The following IL2RG variants were observed in gnomAD, a reference collection of about 807,000 sequenced individuals.
IL2RG encodes cytokine receptor common subunit gamma.
For synonymous variants in IL2RG, 111 were observed against 108.5 expected (o/e 1.02, Z -0.15); for missense variants, 205 against 272.9 (o/e 0.75, Z 1.75).
Position 71,107,812 on chromosome X carries a change from C to A in IL2RG, c.1034G>T (p.Gly345Val). The A allele has an allele frequency of 8.4e-7, 1 of 1,195,210 alleles. No individual in the cohort carries two copies. Among genetic ancestry groups the A allele is most frequent in the African/African-American group, 1.7e-5 (1 of 57,442 alleles). The change falls in exon 8 of 8, where the codon GGG becomes GTG. Residue 345 changes from glycine (G) to valine (V), a missense_variant. Coordinates refer to ENST00000374202, the MANE Select transcript of IL2RG (RefSeq NM_000206.3). ...IPPKGGALGEGPGASPCNQHS... is the reference protein window; with the variant it reads ...IPPKGGALGEVPGASPCNQHS... ...CTGGTTGCATGGGGAGGCCCCAGGC[C>A]CCTCCCCAAGGGCCCCTCCTTTTGG...
chrX:71,109,124 C>A, intron 5 of IL2RG, 104 bp downstream of exon 5: 1 of 845,447 alleles, frequency 1.2e-6, no homozygotes, highest in South Asian at 2.1e-5. Flanking sequence ...AGATGGGGCA[C>A]CAAGTTTAGG....
chrX:71,111,120 G>A lies in IL2RG; in HGVS notation c.116-70C>T, dbSNP rs774951469. The A allele has an allele frequency of 1.4e-3, 1,465 of 1,021,136 alleles. 2 individuals are homozygous for A. The highest frequency in any genetic ancestry group is 1.8e-3 in the Non-Finnish European group (1,325 of 744,205). The allele number at this position is 1,021,136 out of a possible 1,213,427, so 84.2% of individuals were successfully genotyped here. A position where few individuals can be genotyped will look rare whatever the true frequency, so the allele number is the denominator to read the frequency against. ...TGGTCAGAAGGAGGAGGCCAAGCACGGTGGCTCATGTCTGTAATCCTGGTG... is the reference window on the plus strand; with the variant it reads ...TGGTCAGAAGGAGGAGGCCAAGCACAGTGGCTCATGTCTGTAATCCTGGTG... On this transcript the variant is annotated intron_variant, in intron 1 of 7. Coordinates refer to ENST00000374202, the MANE Select transcript of IL2RG (RefSeq NM_000206.3).
chrX:71,108,065 C>G, intron 7 of IL2RG, 144 bp from the exon 8 acceptor site: 1 of 535,363 alleles, frequency 1.9e-6, no homozygotes, highest in Non-Finnish European at 3.2e-6. Context: ...CCCCCAATAC[C>G]AGTTGCCATC....
At chrX:71,111,320 T>A in intron 1 of IL2RG, 105 bp downstream of exon 1, 1 of 1,084,535 alleles carries the variant, frequency 9.2e-7, no homozygotes, top group South Asian at 2.1e-5. Context: ...ACTTTTCAAT[T>A]CTGCCCACAT....
chrX:71,108,742 C>T (rs1214912975), intron 5 of IL2RG, 47 bp from the exon 6 acceptor site: 5 of 879,335 alleles, frequency 5.7e-6, no homozygotes, highest in Admixed American at 2.6e-5. Context: ...TGTTGTGCCC[C>T]TACTACATGC....
intron 7 of IL2RG, 175 bp from the exon 8 acceptor site, chrX:71,108,096 C>T (rs2092254833): frequency 1.9e-6 from 1 of 527,623 alleles, no homozygotes. Flanking sequence ...AATCTATAAT[C>T]TGCACTTCTG....
chrX:71,107,412 G>T lies in IL2RG; in HGVS notation c.*324C>A. 5.0e-6 allele frequency: 1 copy of T among 198,938 alleles called. No individual in the cohort carries two copies. The highest frequency in any genetic ancestry group is 9.2e-6 in the Non-Finnish European group (1 of 108,603). 16.4% of individuals were successfully genotyped at this position (198,938 alleles called of 1,213,427 possible). A position where few individuals can be genotyped will look rare whatever the true frequency, so the allele number is the denominator to read the frequency against. On this transcript the variant is annotated 3_prime_UTR_variant, in exon 8 of 8. Coordinates refer to ENST00000374202, the MANE Select transcript of IL2RG (RefSeq NM_000206.3). ...CACCCCCATGACAGACATTTTTGAT[G>T]ATTATCAACAGAAACTTTATTTCTC...
At position 71,107,766 on chromosome X, in the gene IL2RG, G is replaced by T. The variant is rs748015056; in HGVS notation, c.1080C>A (p.Pro360=). ...TTTCAGGCTTTAGGGTGTAACATGG[G>T]GGGGCCCAGTAGGGGCTATGCTGGT... is the stretch of plus-strand genomic sequence containing the variant. The part of the protein sequence containing the change: ...PCNQHSPYWA[P]PCYTLKPET The change falls in exon 8 of 8, where the codon CCC becomes CCA. Residue 360 remains proline (P), a synonymous_variant. Coordinates refer to ENST00000374202, the MANE Select transcript of IL2RG (RefSeq NM_000206.3). 2 of 1,152,408 alleles carry T rather than the reference G, an allele frequency of 1.7e-6. No homozygotes were observed. Among genetic ancestry groups the T allele is most frequent in the Admixed American group, 2.8e-5 (1 of 35,459 alleles). 95.0% of individuals were successfully genotyped at this position (1,152,408 alleles called of 1,213,427 possible).
At position 71,110,757 on chromosome X, in the gene IL2RG, T is replaced by C. The variant is rs2092261975; in HGVS notation, c.270-69A>G. The C allele has an allele frequency of 2.8e-6, 3 of 1,086,086 alleles. No homozygotes were observed. The East Asian group carries it at 9.1e-5, about 33-fold the overall frequency. 89.5% of individuals were successfully genotyped at this position (1,086,086 alleles called of 1,213,427 possible). On this transcript the variant is annotated intron_variant, in intron 2 of 7. Transcript: ENST00000374202. ...CTGGGTACTGCAGATATCCAGAGCC[T>C]AGCCTCATCTCCCCTCAACCGACTT...
rs1273819120 is a variant in IL2RG at position 71,109,212 on chromosome X, T to C, written c.757+16A>G. On this transcript the variant is annotated intron_variant, in intron 5 of 7. Transcript: ENST00000374202. ...GGTGTTGGGCTCATGGATTGGGTCA[T>C]GTGGGCCCATTTTACCTTTTGAAGT... The C allele has an allele frequency of 3.3e-6, 4 of 1,206,903 alleles. No individual in the cohort carries two copies. Among genetic ancestry groups the C allele is most frequent in the Admixed American group, 2.2e-5 (1 of 46,024 alleles).
At chrX:71,109,749 A>G (rs1401064047) in intron 4 of IL2RG, among the ~76,000 whole-genome samples, 1 of 110,132 alleles carries the variant, frequency 9.1e-6, no homozygotes, top group African/African-American at 3.3e-5. Flanking sequence ...AGCCTGACCA[A>G]CATGGCAAAA....
In IL2RG at chrX:71,111,064, A is replaced by T. The variant is rs200148254; in HGVS notation, c.116-14T>A. 5.1e-6 allele frequency: 6 copies of T among 1,181,140 alleles called. No homozygotes were observed. In the Admixed American group the frequency reaches 1.4e-4, roughly 28 times the overall value. On this transcript the variant is annotated splice_polypyrimidine_tract_variant and intron_variant, in intron 1 of 7. Coordinates refer to ENST00000374202, the MANE Select transcript of IL2RG (RefSeq NM_000206.3). ...TCAGGAAGAAATCTAGATTGGGGAG[A>T]AAATGAAGGCAGGGAGGGAAAGAGA...
chrX:71,111,340 G>A, intron 1 of IL2RG, 85 bp downstream of exon 1: 1 of 1,141,081 alleles, frequency 8.8e-7, no homozygotes, highest in Non-Finnish European at 1.2e-6. Context: ...TGATTGTAAT[G>A]GCCAGTGGCA....
rs556360626 is a variant in IL2RG at position 71,108,708 on chromosome X, G to T, written c.758-13C>A. On this transcript the variant is annotated splice_polypyrimidine_tract_variant and intron_variant, in intron 5 of 7. Coordinates refer to ENST00000374202, the MANE Select transcript of IL2RG (RefSeq NM_000206.3). ...AGGAAAGGATTCTCTATAGAAAAAA[G>T]AAAAGCAAAGTGGACCTTATATTTG... The T allele has an allele frequency of 9.2e-7, 1 of 1,092,864 alleles. No individual in the cohort carries two copies. The highest frequency in any genetic ancestry group is 1.9e-5 in the South Asian group (1 of 51,287). The allele number at this position is 1,092,864 out of a possible 1,213,427, so 90.1% of individuals were successfully genotyped here. A position where few individuals can be genotyped will look rare whatever the true frequency, so the allele number is the denominator to read the frequency against.
At chrX:71,109,110 G>T in intron 5 of IL2RG, 118 bp downstream of exon 5, 2 of 713,278 alleles carry the variant, frequency 2.8e-6, no homozygotes, top group Non-Finnish European at 4.4e-6. Flanking sequence ...TAGACAGTGT[G>T]GAGAGATGGG....
chrX:71,110,076 G>A, intron 4 of IL2RG, 80 bp downstream of exon 4: 1 of 1,062,181 alleles, frequency 9.4e-7, no homozygotes, highest in Middle Eastern at 3.5e-4. Flanking sequence ...TTGATATTAG[G>A]TCCTTCTATC....
chrX:71,111,135 T>C lies in IL2RG; in HGVS notation c.116-85A>G, dbSNP rs961132959. On this transcript the variant is annotated intron_variant, in intron 1 of 7. Coordinates refer to ENST00000374202, the MANE Select transcript of IL2RG (RefSeq NM_000206.3). ...GGCCAAGCACGGTGGCTCATGTCTG[T>C]AATCCTGGTGCTTTGAAAGGCTGAG... 1.4e-5 allele frequency: 13 copies of C among 962,475 alleles called. No homozygotes were observed. In the African/African-American group the frequency reaches 2.1e-4, roughly 16 times the overall value. 79.3% of individuals were successfully genotyped at this position (962,475 alleles called of 1,213,427 possible).
At position 71,107,712 on chromosome X, in the gene IL2RG, GTTC is replaced by G; in HGVS notation, c.*21_*23del. 1 of 1,111,401 alleles carries G rather than the reference GTTC, an allele frequency of 9.0e-7. No homozygotes were observed. The highest frequency in any genetic ancestry group is 1.2e-6 in the Non-Finnish European group (1 of 841,769). The allele number at this position is 1,111,401 out of a possible 1,213,427, so 91.6% of individuals were successfully genotyped here. ...CCACTTAGGGCTACAGGACCCTGGG[GTTC>G]TTCTGTCAGAGGATTGGGGTTCAGG... On this transcript the variant is annotated 3_prime_UTR_variant, in exon 8 of 8. Transcript: ENST00000374202.
chrX:71,108,588 C>A lies in IL2RG; in HGVS notation c.854+11G>T. On this transcript the variant is annotated intron_variant, in intron 6 of 7. Coordinates refer to ENST00000374202, the MANE Select transcript of IL2RG (RefSeq NM_000206.3). ...GTTCCCCTCATTTTTCTGGGCTTCT[C>A]CAAATCTCACCGTTCCAGCCAGAAA... The A allele has an allele frequency of 8.6e-7, 1 of 1,160,202 alleles. No homozygotes were observed. Among genetic ancestry groups the A allele is most frequent in the South Asian group, 1.9e-5 (1 of 53,271 alleles).
Sources: allele counts gnomAD v4.1 joint callset (sites outside exome capture counted in the v4.1 genomes callset), GRCh38; gene constraint gnomAD v4.1.1; transcripts MANE v1.5; gene names NCBI Gene and HGNC (gene_info 2026-07-23, HGNC 2026-07-21).